OR2B11: variants seen among roughly 807,000 people sequenced by gnomAD.
OR2B11 encodes the protein olfactory receptor family 2 subfamily B member 11, also known as olfactory receptor 2B11.
For missense variants in OR2B11, 422 were observed against 400.0 expected (o/e 1.05, Z -0.47); for synonymous variants, 198 against 174.5 (o/e 1.13, Z -1.06).
rs74154654 is a variant in OR2B11, at chr1:247,451,482, C to G, written c.501G>C (p.Thr167=). The change falls in exon 2 of 2, where the codon ACG becomes ACC. Residue 167 remains threonine, a synonymous_variant. Coordinates refer to ENST00000641149, the MANE Select transcript of OR2B11 (RefSeq NM_001004492.2). The part of the protein sequence containing the change: ...FGNSFVQVVL[T]VQLPFCGRQV... ...GCCGCCCGCAGAATGGCAATTGCAC[C>G]GTCAGGACCACCTGCACGAAGGAGT... 8,227 of 1,614,154 alleles carry G rather than the reference C, an allele frequency of 5.1e-3. 388 individuals are homozygous for G. The African/African-American group carries it at 0.094, about 18-fold the overall frequency.
chr1:247,451,256 C>T lies in OR2B11; in HGVS notation c.727G>A (p.Gly243Arg), dbSNP rs1029939794. 1 of 1,611,338 alleles carries T rather than the reference C, an allele frequency of 6.2e-7. No homozygotes were observed. The highest frequency in any genetic ancestry group is 8.5e-7 in the Non-Finnish European group (1 of 1,177,972). The change falls in exon 2 of 2, where the codon GGG becomes AGG. Residue 243 changes from glycine (G) to arginine (R), a missense_variant. Coordinates refer to ENST00000641149, the MANE Select transcript of OR2B11 (RefSeq NM_001004492.2). ...ATCATCAGGTGGGAGGAACACGTCC[C>T]AAAGGCCTTGTGTCGTCCCTTGGAG... The part of the protein sequence containing the change: ...QSSKGRHKAF[G>R]TCSSHLMIVS...
chr1:247,453,123 A>G lies in OR2B11; in HGVS notation c.-1141T>C, dbSNP rs979027814. The G allele has an allele frequency of 2.0e-5, 3 of 152,196 alleles. No individual in the cohort carries two copies. Among genetic ancestry groups the G allele is most frequent in the African/African-American group, 7.2e-5 (3 of 41,444 alleles). 9.4% of individuals were successfully genotyped at this position (152,196 alleles called of 1,614,324 possible). A position where few individuals can be genotyped will look rare whatever the true frequency, so the allele number is the denominator to read the frequency against. ...TGAAAAATATTATTAATAAACAATAATTAATTAATCATTATTCATAATAAA... is the reference window on the plus strand; with the variant it reads ...TGAAAAATATTATTAATAAACAATAGTTAATTAATCATTATTCATAATAAA... On this transcript the variant is annotated 5_prime_UTR_variant, in exon 2 of 2. Coordinates refer to ENST00000641149, the MANE Select transcript of OR2B11 (RefSeq NM_001004492.2).
Position 247,453,157 on chromosome 1 carries a change from G to A in OR2B11, c.-1175C>T, listed in dbSNP as rs1225939765. ...TCATTATTCATAATAAATCCTGTAA[G>A]CAGATAATTTATGAAGGATTTTTAT... On this transcript the variant is annotated 5_prime_UTR_variant, in exon 2 of 2. Transcript: ENST00000641149. The A allele has an allele frequency of 6.6e-6, 1 of 152,104 alleles. No homozygotes were observed. The allele number at this position is 152,104 out of a possible 1,614,324, so 9.4% of individuals were successfully genotyped here. A position where few individuals can be genotyped will look rare whatever the true frequency, so the allele number is the denominator to read the frequency against.
chr1:247,456,918 A>G (rs1664974859), intron 1 of OR2B11, among the ~76,000 whole-genome samples: 1 of 152,206 alleles, frequency 6.6e-6, no homozygotes, highest in South Asian at 2.1e-4. Context: ...ATGATTATTG[A>G]TTTTGTTAGC....
In OR2B11 at chr1:247,453,433, AT is replaced by A; in HGVS notation, c.-1452del. ...TTCTTGTGAAACATTCAATTATCGT[AT>A]CTCCTCCCAGATTCTATCAACAATA... On this transcript the variant is annotated 5_prime_UTR_variant, in exon 2 of 2. Transcript: ENST00000641149. 1 of 152,332 alleles carries A rather than the reference AT, an allele frequency of 6.6e-6. No individual in the cohort carries two copies. The highest frequency in any genetic ancestry group is 1.5e-5 in the Non-Finnish European group (1 of 68,036). The allele number at this position is 152,332 out of a possible 1,614,324, so 9.4% of individuals were successfully genotyped here. A position where few individuals can be genotyped will look rare whatever the true frequency, so the allele number is the denominator to read the frequency against.
rs74803867 is a variant in OR2B11 at position 247,450,850 on chromosome 1, C to T, written c.*179G>A. 19 of 441,514 alleles carry T rather than the reference C, an allele frequency of 4.3e-5. No homozygotes were observed. The highest frequency in any genetic ancestry group is 2.1e-4 in the Admixed American group (6 of 28,244). The allele number at this position is 441,514 out of a possible 1,614,324, so 27.3% of individuals were successfully genotyped here. A position where few individuals can be genotyped will look rare whatever the true frequency, so the allele number is the denominator to read the frequency against. On this transcript the variant is annotated 3_prime_UTR_variant, in exon 2 of 2. Transcript: ENST00000641149. ...AAATATATGGCCTCTTAGAATTATA[C>T]GTTTAAAATGAACTTTGTCGCTATG...
chr1:247,453,850 C>T lies in OR2B11; in HGVS notation c.-1868G>A, dbSNP rs929271016. On this transcript the variant is annotated 5_prime_UTR_variant, in exon 2 of 2. Coordinates refer to ENST00000641149, the MANE Select transcript of OR2B11 (RefSeq NM_001004492.2). ...GGTCCATGTTTTCACCCCTAATTGA[C>T]TGAGCGACTCGGGAGGACAGCTGGT... 1.3e-5 allele frequency: 2 copies of T among 152,202 alleles called. No individual in the cohort carries two copies. Among genetic ancestry groups the T allele is most frequent in the East Asian group, 3.9e-4 (2 of 5,190 alleles). 9.4% of individuals were successfully genotyped at this position (152,202 alleles called of 1,614,324 possible).
In OR2B11 at chr1:247,450,969, T is replaced by C; in HGVS notation, c.*60A>G. The C allele has an allele frequency of 2.0e-6, 2 of 1,015,616 alleles. No homozygotes were observed. Among genetic ancestry groups the C allele is most frequent in the Non-Finnish European group, 1.4e-6 (1 of 720,670 alleles). The allele number at this position is 1,015,616 out of a possible 1,614,324, so 62.9% of individuals were successfully genotyped here. On this transcript the variant is annotated 3_prime_UTR_variant, in exon 2 of 2. Coordinates refer to ENST00000641149, the MANE Select transcript of OR2B11 (RefSeq NM_001004492.2). ...CTCCTTAAGTGAAAGATGCTCTGAG[T>C]GCACAATAGACTTGTGCTGTGTTCT...
Position 247,453,594 on chromosome 1 carries a change from T to C in OR2B11, c.-1612A>G, listed in dbSNP as rs895642768. 1 of 152,222 alleles carries C rather than the reference T, an allele frequency of 6.6e-6. No individual in the cohort carries two copies. The highest frequency in any genetic ancestry group is 1.5e-5 in the Non-Finnish European group (1 of 68,038). 9.4% of individuals were successfully genotyped at this position (152,222 alleles called of 1,614,324 possible). ...TAATTATTAAGAAGTAAAGGAATTATGACATTTCTCTTTCTGAGATTTCTG... is the reference window on the plus strand; with the variant it reads ...TAATTATTAAGAAGTAAAGGAATTACGACATTTCTCTTTCTGAGATTTCTG... On this transcript the variant is annotated 5_prime_UTR_variant, in exon 2 of 2. Coordinates refer to ENST00000641149, the MANE Select transcript of OR2B11 (RefSeq NM_001004492.2).
At chr1:247,456,637 T>G (rs909954428) in intron 1 of OR2B11, among the ~76,000 whole-genome samples, 3 of 151,862 alleles carry the variant, frequency 2.0e-5, no homozygotes, top group African/African-American at 7.3e-5. Context: ...ATAGTTTAAG[T>G]TCTGGGATAC....
Position 247,450,975 on chromosome 1 carries a change from A to G in OR2B11, c.*54T>C, listed in dbSNP as rs749022491. 6 of 1,120,518 alleles carry G rather than the reference A, an allele frequency of 5.4e-6. No individual in the cohort carries two copies. The highest frequency in any genetic ancestry group is 7.4e-6 in the Non-Finnish European group (6 of 806,060). 69.4% of individuals were successfully genotyped at this position (1,120,518 alleles called of 1,614,324 possible). A position where few individuals can be genotyped will look rare whatever the true frequency, so the allele number is the denominator to read the frequency against. On this transcript the variant is annotated 3_prime_UTR_variant, in exon 2 of 2. Coordinates refer to ENST00000641149, the MANE Select transcript of OR2B11 (RefSeq NM_001004492.2). ...AAGTGAAAGATGCTCTGAGTGCACA[A>G]TAGACTTGTGCTGTGTTCTTTAATT...
Position 247,452,920 on chromosome 1 carries a change from A to T in OR2B11, c.-938T>A, listed in dbSNP as rs576609461. The T allele has an allele frequency of 6.6e-6, 1 of 152,256 alleles. No homozygotes were observed. Among genetic ancestry groups the T allele is most frequent in the African/African-American group, 2.4e-5 (1 of 41,530 alleles). 9.4% of individuals were successfully genotyped at this position (152,256 alleles called of 1,614,324 possible). Reference sequence around the variant, plus strand: ...CTTTGCCGAGCAGCTGTCACCTCTCAGTGATAGAAAACAGCCAATTTGATT... The same window carrying T: ...CTTTGCCGAGCAGCTGTCACCTCTCTGTGATAGAAAACAGCCAATTTGATT... On this transcript the variant is annotated 5_prime_UTR_variant, in exon 2 of 2. The change abolishes the stop of an existing upstream ORF in the 5' untranslated region. Transcript: ENST00000641149.
chr1:247,451,911 C>A lies in OR2B11; in HGVS notation c.72G>T (p.Arg24Ser). The A allele has an allele frequency of 6.2e-7, 1 of 1,614,022 alleles. No individual in the cohort carries two copies. Among genetic ancestry groups the A allele is most frequent in the Non-Finnish European group, 8.5e-7 (1 of 1,180,008 alleles). The stretch of plus-strand genomic sequence containing the variant: ...CAAAGAGAGGGAGTTCCAGCCACGG[C>A]CTGTCAGACACACCCAGAAGGATGA... ...KAFILLGVSD[R>S]PWLELPLFVV... Residue 24 changes from arginine to serine, a missense_variant, in exon 2 of 2, where the codon AGG becomes AGT. Arg to Ser is a moderately radical substitution (Grantham distance 110). Coordinates refer to ENST00000641149, the MANE Select transcript of OR2B11 (RefSeq NM_001004492.2).
Position 247,451,757 on chromosome 1 carries a change from A to T in OR2B11, c.226T>A (p.Cys76Ser). Residue 76 changes from cysteine to serine, a missense_variant, in exon 2 of 2, where the codon TGC becomes AGC. Transcript: ENST00000641149. ...TGAGGGACTGTCGTGGTGGTGTAGC[A>T]GAGGTCCAGGAAGGACAGGTGACTG... ...FLSHLSFLDL[C>S]YTTTTVPQML... 1 of 1,614,250 alleles carries T rather than the reference A, an allele frequency of 6.2e-7. No homozygotes were observed. The highest frequency in any genetic ancestry group is 8.5e-7 in the Non-Finnish European group (1 of 1,180,050).
In OR2B11 at chr1:247,452,575, C is replaced by T. The variant is rs949660440; in HGVS notation, c.-593G>A. 5.8e-5 allele frequency: 9 copies of T among 156,446 alleles called. No homozygotes were observed. Among genetic ancestry groups the T allele is most frequent in the Admixed American group, 3.1e-4 (5 of 16,076 alleles). 9.7% of individuals were successfully genotyped at this position (156,446 alleles called of 1,614,324 possible). ...CACTGGCTCACGCTTGCATCCAGCT[C>T]CCGGATTCATGCTGATCTCCGCTGT... On this transcript the variant is annotated 5_prime_UTR_variant, in exon 2 of 2. Transcript: ENST00000641149.
chr1:247,452,713 C>A lies in OR2B11; in HGVS notation c.-731G>T, dbSNP rs1216124404. On this transcript the variant is annotated 5_prime_UTR_variant, in exon 2 of 2. Coordinates refer to ENST00000641149, the MANE Select transcript of OR2B11 (RefSeq NM_001004492.2). The stretch of plus-strand genomic sequence containing the variant: ...AGAGCCAAGGTATACGTTACTTCAG[C>A]CCCTGAATAGGTCATGGTAGTTAAT... 1 of 152,636 alleles carries A rather than the reference C, an allele frequency of 6.6e-6. No individual in the cohort carries two copies. The highest frequency in any genetic ancestry group is 1.5e-5 in the Non-Finnish European group (1 of 68,110). The allele number at this position is 152,636 out of a possible 1,614,324, so 9.5% of individuals were successfully genotyped here.
At chr1:247,455,098 A>G (rs1572246658) in intron 1 of OR2B11, 34 bp from the exon 2 acceptor site, 1 of 152,250 alleles carries the variant, frequency 6.6e-6, no homozygotes, top group East Asian at 1.9e-4. Flanking sequence ...ATTAATATTT[A>G]TATCTCTATA....
chr1:247,450,919 G>C lies in OR2B11; in HGVS notation c.*110C>G. ...CAGGAAGTGAGATGTTTGAAGACAG[G>C]GTTTTTGAGCTCTCTGGGTATTAAC... is the stretch of plus-strand genomic sequence containing the variant. On this transcript the variant is annotated 3_prime_UTR_variant, in exon 2 of 2. Transcript: ENST00000641149. 2 of 572,564 alleles carry C rather than the reference G, an allele frequency of 3.5e-6. No individual in the cohort carries two copies. Among genetic ancestry groups the C allele is most frequent in the Non-Finnish European group, 5.8e-6 (2 of 345,932 alleles). The allele number at this position is 572,564 out of a possible 1,614,324, so 35.5% of individuals were successfully genotyped here. A position where few individuals can be genotyped will look rare whatever the true frequency, so the allele number is the denominator to read the frequency against.
chr1:247,456,064 T>C (rs1489550722), intron 1 of OR2B11, among the ~76,000 whole-genome samples: 2 of 152,204 alleles, frequency 1.3e-5, no homozygotes, highest in Admixed American at 1.3e-4. Flanking sequence ...CCACCAGTTC[T>C]CTGTGCACTA....
Sources: allele counts gnomAD v4.1 joint callset (sites outside exome capture counted in the v4.1 genomes callset), GRCh38; gene constraint gnomAD v4.1.1; transcripts MANE v1.5; gene names NCBI Gene and HGNC (gene_info 2026-07-23, HGNC 2026-07-21).